Variants in CCDC178 observed in about 807,000 individuals in gnomAD.
The protein encoded by CCDC178 is coiled-coil domain-containing protein 178.
CCDC178 carries 126 observed loss-of-function variants against 117.4 expected under a neutral mutation model. That is an observed-to-expected ratio of 1.07 (90% CI 0.93 to 1.24). The LOEUF (loss-of-function observed/expected upper bound fraction) is 1.24, where lower values mean the gene tolerates loss of function less well. Among genes scored for constraint, CCDC178 ranks in the 50% most tolerant of loss-of-function variants. The pLI, the probability that CCDC178 is intolerant of heterozygous loss-of-function variation, is 0.00. For missense variants in CCDC178, 1,030 were observed against 986.9 expected (o/e 1.04, Z -0.59); for synonymous variants, 283 against 313.4 (o/e 0.90, Z 1.02).
intron 2 of CCDC178, among the ~76,000 whole-genome samples, chr18:33,414,656 T>G (rs923652572): frequency 6.6e-6 from 1 of 152,156 alleles, no homozygotes; most frequent in African/African-American, 2.4e-5. Context: ...ACTTCATGTC[T>G]AAAACACCAA....
chr18:33,333,251 C>A lies in CCDC178; in HGVS notation c.802G>T (p.Glu268Ter). 3 of 1,612,864 alleles carry A rather than the reference C, an allele frequency of 1.9e-6. 1 individual carries two copies. Among genetic ancestry groups the A allele is most frequent in the Middle Eastern group, 3.3e-4 (2 of 6,058 alleles). The stretch of plus-strand genomic sequence containing the variant: ...TTAGAGTCCAGTAGAGGGCCATGTT[C>A]ATTCATGTAGTCTATGTCTGCTTGA... ...KIQADIDYMN[E>*]HGPLLDSKQN... The change falls in exon 10 of 23, where the codon GAA becomes TAA. Residue 268 changes from glutamate (E) to a stop codon, truncating the protein, a stop_gained. Transcript: ENST00000383096. LOFTEE classifies it high-confidence loss of function.
chr18:33,196,128 T>C (rs2058927091), intron 20 of CCDC178, among the ~76,000 whole-genome samples: 1 of 152,142 alleles, frequency 6.6e-6, no homozygotes, highest in Non-Finnish European at 1.5e-5. Flanking sequence ...GGCAATTACT[T>C]TTATCAGTAA....
At chr18:33,321,071 C>T (rs2062501935) in intron 11 of CCDC178, among the ~76,000 whole-genome samples, 1 of 152,142 alleles carries the variant, frequency 6.6e-6, no homozygotes, top group South Asian at 2.1e-4. Context: ...CTTCCTTACA[C>T]CTTATACAAA....
chr18:33,115,619 A>G (rs1359428250), intron 20 of CCDC178, among the ~76,000 whole-genome samples: 1 of 151,970 alleles, frequency 6.6e-6, no homozygotes, highest in African/African-American at 2.4e-5. Context: ...AAATTTGTCT[A>G]CTTTACCTGT....
chr18:33,339,908 A>C (rs999454922), intron 9 of CCDC178, among the ~76,000 whole-genome samples: 1 of 152,202 alleles, frequency 6.6e-6, no homozygotes, highest in Admixed American at 6.5e-5. Context: ...CAGCAGTGTG[A>C]AAATGAACTA....
Position 33,245,321 on chromosome 18 carries a change from C to G in CCDC178, c.1517G>C (p.Gly506Ala). Reference protein sequence around the residue: ...KNIYKEAYRIGTLFHLTKHKT... With the variant: ...KNIYKEAYRIATLFHLTKHKT... ...GTGTTTGGTTAGGTGGAAAAGAGTA[C>G]CAATGCGATAAGCCTCCTTATAGAT... The change falls in exon 15 of 23, where the codon GGT becomes GCT. Residue 506 changes from glycine to alanine, a missense_variant. Gly to Ala is a moderately conservative substitution (Grantham distance 60). Transcript: ENST00000383096. 6.2e-7 allele frequency: 1 copy of G among 1,609,104 alleles called. No individual in the cohort carries two copies. The highest frequency in any genetic ancestry group is 8.5e-7 in the Non-Finnish European group (1 of 1,177,754).
chr18:33,199,040 T>C (rs1323510532), intron 20 of CCDC178, among the ~76,000 whole-genome samples: 1 of 151,774 alleles, frequency 6.6e-6, no homozygotes, highest in African/African-American at 2.4e-5. Context: ...TCTAAACCCT[T>C]CCAATGTGAA....
intron 21 of CCDC178, among the ~76,000 whole-genome samples, chr18:32,983,505 C>G (rs2055195984): frequency 6.6e-6 from 1 of 152,022 alleles, no homozygotes; most frequent in Non-Finnish European, 1.5e-5. Flanking sequence ...ATGCTGTATC[C>G]TGTAGATTTG....
intron 21 of CCDC178, among the ~76,000 whole-genome samples, chr18:32,983,981 C>T (rs1384962097): frequency 6.6e-6 from 1 of 151,946 alleles, no homozygotes; most frequent in Non-Finnish European, 1.5e-5. Context: ...TTATAGTACT[C>T]AGTTACAAAG....
chr18:33,148,421 AGGGAGAGGGAGAGGGAGACCGTG>A (rs1237477424), intron 20 of CCDC178, among the ~76,000 whole-genome samples: 66 of 149,326 alleles, frequency 4.4e-4, no homozygotes, highest in South Asian at 2.8e-3. Context: ...GTGGAGAGAG[AGGGAGAGGGAGAGGGAGACCGTG>A]GGGAGAGGGA....
chr18:33,183,778 A>G (rs1324395248), intron 20 of CCDC178, among the ~76,000 whole-genome samples: 1 of 148,692 alleles, frequency 6.7e-6, no homozygotes, highest in Non-Finnish European at 1.5e-5. Flanking sequence ...TTATTCTACA[A>G]GTTTCTCTAG....
At chr18:33,250,422 C>T (rs1194456821) in intron 14 of CCDC178, among the ~76,000 whole-genome samples, 1 of 85,826 alleles carries the variant, frequency 1.2e-5, no homozygotes, top group Non-Finnish European at 2.4e-5. Flanking sequence ...AAAAAATAAG[C>T]TCCACTGCTG....
At chr18:33,422,014 G>A (rs2064033435) in intron 2 of CCDC178, among the ~76,000 whole-genome samples, 1 of 152,164 alleles carries the variant, frequency 6.6e-6, no homozygotes, top group Non-Finnish European at 1.5e-5. Flanking sequence ...ACAAAGCAAA[G>A]ACATCTGTGC....
chr18:33,337,736 C>T (rs906876601), intron 9 of CCDC178, among the ~76,000 whole-genome samples: 4 of 152,134 alleles, frequency 2.6e-5, no homozygotes, highest in Non-Finnish European at 5.9e-5. Flanking sequence ...ATCCTCATCT[C>T]TTGCCTTATA....
chr18:33,308,457 ATGGG>A (rs1329692498), intron 11 of CCDC178, among the ~76,000 whole-genome samples: 2 of 152,184 alleles, frequency 1.3e-5, no homozygotes, highest in Non-Finnish European at 2.9e-5. Flanking sequence ...TTACAGGTTC[ATGGG>A]CAGAAGGGAC....
intron 6 of CCDC178, among the ~76,000 whole-genome samples, chr18:33,357,485 A>G (rs986848092): frequency 6.6e-6 from 1 of 152,128 alleles, no homozygotes; most frequent in African/African-American, 2.4e-5. Flanking sequence ...TTCCCAAAAG[A>G]CTTTCCTAAC....
chr18:33,263,997 T>G (rs1343230196), intron 14 of CCDC178, among the ~76,000 whole-genome samples: 1 of 152,024 alleles, frequency 6.6e-6, no homozygotes, highest in East Asian at 1.9e-4. Flanking sequence ...TTACAAAGAC[T>G]ACAGACATTT....
intron 12 of CCDC178, among the ~76,000 whole-genome samples, chr18:33,289,096 GTTTGTT>G (rs1278642892): frequency 2.0e-5 from 3 of 151,826 alleles, no homozygotes; most frequent in African/African-American, 2.4e-5. Context: ...TTTTTTGTTT[GTTTGTT>G]TTTGTTTTTG....
intron 21 of CCDC178, among the ~76,000 whole-genome samples, chr18:32,976,080 G>C (rs911411444): frequency 2.6e-5 from 4 of 152,034 alleles, no homozygotes; most frequent in African/African-American, 9.7e-5. Flanking sequence ...AAGAAGAAAA[G>C]ACTTTGAAAA....
Sources: gnomAD v4.1 joint callset for allele counts (sites outside exome capture counted in the v4.1 genomes callset) on GRCh38, gnomAD v4.1.1 for gene constraint, MANE v1.5 for transcripts, NCBI Gene and HGNC (gene_info 2026-07-23, HGNC 2026-07-21) for gene names.